NUP98: variants seen among roughly 807,000 people sequenced by gnomAD.
The protein encoded by NUP98 is nuclear pore complex protein Nup98-Nup96.
A neutral mutation model predicts 191.9 loss-of-function variants in NUP98; 26 were observed. That is an observed-to-expected ratio of 0.14 (90% CI 0.10 to 0.19). The LOEUF (loss-of-function observed/expected upper bound fraction) is 0.19, where lower values mean the gene tolerates loss of function less well. NUP98 is among the 10% of genes least tolerant of loss of function. NUP98 has a pLI of 1.00. For missense variants in NUP98, 1,941 were observed against 2,178.8 expected, an observed-to-expected ratio of 0.89 and a Z score of 2.17; for synonymous variants, 808 against 778.4, an observed-to-expected ratio of 1.04 and a Z score of -0.63.
At chr11:3,706,393 A>T in intron 21 of NUP98, 52 bp downstream of exon 21, 1 of 1,545,282 alleles carries the variant, frequency 6.5e-7, no homozygotes, top group East Asian at 2.2e-5. Flanking sequence ...TGCAATGGAG[A>T]TAAAATATTA....
intron 28 of NUP98, among the ~76,000 whole-genome samples, chr11:3,688,917 G>A (rs550025859): frequency 2.7e-5 from 4 of 149,522 alleles, no homozygotes; most frequent in Non-Finnish European, 5.9e-5. Context: ...AACAAAAACT[G>A]TAAGTATTTC....
intron 2 of NUP98, among the ~76,000 whole-genome samples, chr11:3,780,336 C>G (rs1243500847): frequency 2.7e-5 from 4 of 149,242 alleles, no homozygotes; most frequent in Non-Finnish European, 4.4e-5. Flanking sequence ...CAAGACCATC[C>G]TGGCTAACAC....
Position 3,768,689 on chromosome 11 carries a change from C to A in NUP98, c.840G>T (p.Gln280His). 6.2e-7 allele frequency: 1 copy of A among 1,606,268 alleles called. No homozygotes were observed. The highest frequency in any genetic ancestry group is 8.5e-7 in the Non-Finnish European group (1 of 1,175,722). Residue 280 changes from glutamine (Q) to histidine (H), a missense_variant, in exon 8 of 33, where the codon CAG (glutamine) becomes CAT (histidine). Coordinates refer to ENST00000324932, the MANE Select transcript of NUP98 (RefSeq NM_016320.5). The stretch of plus-strand genomic sequence containing the variant: ...ATGGTTTGCTGAAGAGGCTGGTAGT[C>A]TGCTGATTCTGTTGGCCAAAGAGAC... ...PGGLFGQQNQ[Q>H]TTSLFSKPFG...
chr11:3,724,211 C>A (rs2079522601), intron 15 of NUP98, among the ~76,000 whole-genome samples: 1 of 151,668 alleles, frequency 6.6e-6, no homozygotes, highest in Non-Finnish European at 1.5e-5. Context: ...GCGGGTGGAT[C>A]GCTTGAGGTC....
At chr11:3,793,241 T>C (rs758482062) in intron 1 of NUP98, among the ~76,000 whole-genome samples, 1 of 152,208 alleles carries the variant, frequency 6.6e-6, no homozygotes, top group Non-Finnish European at 1.5e-5. Flanking sequence ...CTTCACATAC[T>C]TCAAACAAAA....
chr11:3,789,436 T>C (rs1420809985), intron 1 of NUP98, among the ~76,000 whole-genome samples: 1 of 151,262 alleles, frequency 6.6e-6, no homozygotes, highest in East Asian at 1.9e-4. Context: ...CTTCCATCTA[T>C]CTCACATCTC....
Position 3,712,665 on chromosome 11 carries a change from T to C in NUP98, c.2641A>G (p.Lys881Glu). The C allele has an allele frequency of 1.2e-6, 2 of 1,613,536 alleles. No homozygotes were observed. Residue 881 changes from lysine to glutamate, a missense_variant, in exon 20 of 33, where the codon AAA becomes GAA. This residue lies in a region of NUP98 where 95 missense variants were observed against 139.7 expected (regional missense o/e 0.68). Transcript: ENST00000324932. ...GTCTTCAACTTCTTTGTACTAGTTT[T>C]AGACGGATGCTCCTCCTCCTCTTCA... Reference protein sequence around the residue: ...SDEEEEEHPSKTSTKKLKTAP... With the variant: ...SDEEEEEHPSETSTKKLKTAP...
chr11:3,738,050 C>T (rs1318834124), intron 12 of NUP98, among the ~76,000 whole-genome samples: 2 of 131,584 alleles, frequency 1.5e-5, no homozygotes, highest in African/African-American at 5.7e-5. Flanking sequence ...TTGATCCCAT[C>T]GTTTAACAAG....
intron 1 of NUP98, among the ~76,000 whole-genome samples, chr11:3,794,020 T>C (rs2082445046): frequency 6.6e-6 from 1 of 152,172 alleles, no homozygotes; most frequent in African/African-American, 2.4e-5. Context: ...ACTAAAGTAG[T>C]AGTCTCAATC....
Position 3,702,679 on chromosome 11 carries a change from C to A in NUP98, c.3296G>T (p.Gly1099Val), listed in dbSNP as rs1564822298. 6.2e-7 allele frequency: 1 copy of A among 1,614,098 alleles called. No individual in the cohort carries two copies. The highest frequency in any genetic ancestry group is 1.7e-5 in the Admixed American group (1 of 60,014). ...LKTVGTRRQL[G>V]LVPREKSVTY... The stretch of plus-strand genomic sequence containing the variant: ...GACAGACTTTTCACGAGGGACTAGG[C>A]CTAGTTGCCTACGTGTACCCACTGT... The change falls in exon 23 of 33, where the codon GGC becomes GTC. Residue 1099 changes from glycine to valine, a missense_variant. By Grantham distance (109) the Gly-to-Val change is moderately radical. Transcript: ENST00000324932.
At chr11:3,738,147 CA>C (rs2080145685) in intron 12 of NUP98, among the ~76,000 whole-genome samples, 1 of 146,370 alleles carries the variant, frequency 6.8e-6, no homozygotes, top group African/African-American at 2.5e-5. Flanking sequence ...CAAGAAAGTG[CA>C]TGAGCATGAT....
Position 3,676,226 on chromosome 11 carries a change from T to C in NUP98, c.5336A>G (p.Tyr1779Cys), listed in dbSNP as rs757073920. The stretch of plus-strand genomic sequence containing the variant: ...AAGGCTGCGCAGTTCGTCCATGGCA[T>C]AGTCCTCAGGCATGGGAAGCCGGCC... ...HIGRLPMPED[Y>C]AMDELRSLTQ... Residue 1779 changes from tyrosine to cysteine, a missense_variant, in exon 33 of 33, where the codon TAT becomes TGT. Tyr to Cys is a radical substitution (Grantham distance 194). Around this residue, in one of 6 missense-constraint regions of NUP98, gnomAD observed 1,030 missense variants for 1,115.8 expected, o/e 0.92. Transcript: ENST00000324932. 1.9e-6 allele frequency: 3 copies of C among 1,614,050 alleles called. No individual in the cohort carries two copies. The highest frequency in any genetic ancestry group is 2.5e-6 in the Non-Finnish European group (3 of 1,180,038).
chr11:3,725,369 G>T, intron 14 of NUP98, 150 bp from the exon 15 acceptor site: 1 of 538,636 alleles, frequency 1.9e-6, no homozygotes, highest in East Asian at 2.8e-5. Context: ...ATTTATAAAC[G>T]CTTCCTAGGA....
intron 24 of NUP98, among the ~76,000 whole-genome samples, 182 bp downstream of exon 24, chr11:3,700,428 A>C (rs1475552522): frequency 3.3e-5 from 5 of 152,220 alleles, no homozygotes; most frequent in African/African-American, 1.2e-4. Flanking sequence ...GAACAAAGTG[A>C]CAAGAACATA....
At chr11:3,696,145 C>A (rs983382687) in intron 25 of NUP98, among the ~76,000 whole-genome samples, 4 of 152,034 alleles carry the variant, frequency 2.6e-5, no homozygotes, top group African/African-American at 9.7e-5. Flanking sequence ...GAGCCAAGAT[C>A]GCACCATTGC....
intron 10 of NUP98, chr11:3,760,123 A>C (rs1431798243): frequency 8.5e-5 from 15 of 176,934 alleles, no homozygotes; most frequent in Non-Finnish European, 1.2e-4. Context: ...AAAAAAAAAA[A>C]AAAAAACAAA....
intron 30 of NUP98, among the ~76,000 whole-genome samples, chr11:3,681,899 T>C (rs1469160521): frequency 6.6e-6 from 1 of 152,200 alleles, no homozygotes; most frequent in East Asian, 1.9e-4. Flanking sequence ...GGTGGCATCT[T>C]CTTTCAATAG....
At position 3,713,855 on chromosome 11, in the gene NUP98, T is replaced by C. The variant is rs549690870; in HGVS notation, c.2540A>G (p.Lys847Arg). Residue 847 changes from lysine to arginine, a missense_variant, in exon 19 of 33, where the codon AAA (lysine) becomes AGA (arginine). Physicochemically the swap from Lys to Arg is conservative, Grantham distance 26. Around this residue, in one of 6 missense-constraint regions of NUP98, gnomAD observed 95 missense variants for 139.7 expected, o/e 0.68. Coordinates refer to ENST00000324932, the MANE Select transcript of NUP98 (RefSeq NM_016320.5). ...AGAACCAGTTTCAGGCCGGTATTCT[T>C]TGAATTGAGCTCCCTGTTTCCTTGA... ...AVSRKQGAQF[K>R]EYRPETGSWV... The C allele has an allele frequency of 1.2e-6, 2 of 1,614,152 alleles. No individual in the cohort carries two copies. Among genetic ancestry groups the C allele is most frequent in the Admixed American group, 1.7e-5 (1 of 60,012 alleles).
intron 16 of NUP98, among the ~76,000 whole-genome samples, chr11:3,722,506 TTG>T (rs528382182): frequency 3.9e-4 from 59 of 152,038 alleles, no homozygotes; most frequent in African/African-American, 1.4e-3. Flanking sequence ...AATATAAATT[TTG>T]GAGACACTTC....
Sources: allele counts gnomAD v4.1 joint callset (sites outside exome capture counted in the v4.1 genomes callset), GRCh38; gene constraint gnomAD v4.1.1; regional missense constraint gnomAD v4.1.1; transcripts MANE v1.5; gene names NCBI Gene and HGNC (gene_info 2026-07-23, HGNC 2026-07-21).